The following CD302 variants were observed in gnomAD, a reference collection of about 807,000 sequenced individuals.
CD302 encodes CD302 antigen.
CD302 carries 23 observed loss-of-function variants against 26.5 expected under a neutral mutation model. That is an observed-to-expected ratio of 0.87 (90% CI 0.62 to 1.23). The LOEUF (loss-of-function observed/expected upper bound fraction) is 1.23, where lower values mean the gene tolerates loss of function less well. Ranked by LOEUF, CD302 falls within the 50% of genes most tolerant of loss-of-function variation. CD302 has a pLI of 0.00. For synonymous variants in CD302, 90 were observed against 99.4 expected, an observed-to-expected ratio of 0.91 and a Z score of 0.56; for missense variants, 290 against 275.5, an observed-to-expected ratio of 1.05 and a Z score of -0.37.
At chr2:159,785,314 T>C (rs772953061) in intron 1 of CD302, among the ~76,000 whole-genome samples, 1 of 152,140 alleles carries the variant, frequency 6.6e-6, no homozygotes, top group Admixed American at 6.5e-5. Context: ...TCCTTCCAGC[T>C]GTTTTATGAG....
chr2:159,772,726 CTT>C (rs1314429742), intron 5 of CD302, among the ~76,000 whole-genome samples: 3 of 152,222 alleles, frequency 2.0e-5, no homozygotes, highest in Admixed American at 1.3e-4. Context: ...AATGTGAAAA[CTT>C]TTCAGAATTA....
At chr2:159,781,119 C>G (rs1013765984) in intron 2 of CD302, 121 bp from the exon 3 acceptor site, 24 of 777,072 alleles carry the variant, frequency 3.1e-5, no homozygotes, top group Middle Eastern at 7.5e-4. Context: ...GGACAATAAA[C>G]TTTGATCTTA....
chr2:159,780,632 T>C (rs553858670), intron 3 of CD302, among the ~76,000 whole-genome samples: 1 of 152,338 alleles, frequency 6.6e-6, no homozygotes, highest in African/African-American at 2.4e-5. Context: ...ATGATCATGC[T>C]ATATTACAAA....
chr2:159,778,589 GT>G (rs1172845638), intron 4 of CD302, among the ~76,000 whole-genome samples: 1 of 152,186 alleles, frequency 6.6e-6, no homozygotes, highest in African/African-American at 2.4e-5. Flanking sequence ...AGGATGTGGA[GT>G]TTTGGTTTAC....
chr2:159,789,365 T>C (rs1245338589), intron 1 of CD302, among the ~76,000 whole-genome samples: 1 of 152,178 alleles, frequency 6.6e-6, no homozygotes, highest in Non-Finnish European at 1.5e-5. Flanking sequence ...GATTTTTCAG[T>C]TATAGAATTT....
chr2:159,779,069 A>C (rs1400162738), intron 4 of CD302, among the ~76,000 whole-genome samples: 1 of 151,616 alleles, frequency 6.6e-6, no homozygotes, highest in African/African-American at 2.4e-5. Context: ...ATCTCTACTA[A>C]AAAATACAAA....
chr2:159,784,828 T>C (rs1239313092), intron 1 of CD302, among the ~76,000 whole-genome samples: 1 of 152,184 alleles, frequency 6.6e-6, no homozygotes, highest in African/African-American at 2.4e-5. Flanking sequence ...CAGCTTCTTA[T>C]ATAGCACAGA....
At chr2:159,776,588 AGG>A (rs1708333406) in intron 5 of CD302, among the ~76,000 whole-genome samples, 2 of 152,108 alleles carry the variant, frequency 1.3e-5, no homozygotes. Flanking sequence ...TAGATTAATG[AGG>A]ATGTAATTCC....
intron 5 of CD302, 36 bp from the exon 6 acceptor site, chr2:159,772,089 T>C (rs1560039633): frequency 6.2e-7 from 1 of 1,602,524 alleles, no homozygotes; most frequent in Non-Finnish European, 8.5e-7. Context: ...TTTGGGAAAT[T>C]AGGGTACACA....
chr2:159,771,779 A>G lies in CD302; in HGVS notation c.*72T>C, dbSNP rs971165105. 2.6e-5 allele frequency: 39 copies of G among 1,522,234 alleles called. No homozygotes were observed. In the African/African-American group the frequency reaches 2.6e-4, roughly 10 times the overall value. The allele number at this position is 1,522,234 out of a possible 1,614,324, so 94.3% of individuals were successfully genotyped here. On this transcript the variant is annotated 3_prime_UTR_variant, in exon 6 of 6. Transcript: ENST00000259053. ...GCTCTAATATCCAATGTCAAGTTTT[A>G]TATTAAAATCTTTCCCAAGTTATCT...
intron 1 of CD302, among the ~76,000 whole-genome samples, chr2:159,796,383 G>A (rs1574507116): frequency 1.3e-5 from 2 of 152,112 alleles, no homozygotes; most frequent in South Asian, 2.1e-4. Context: ...GTATTCATAC[G>A]TTTTCTGGTT....
At chr2:159,777,380 T>A (rs555852739) in intron 5 of CD302, among the ~76,000 whole-genome samples, 1 of 152,334 alleles carries the variant, frequency 6.6e-6, no homozygotes, top group South Asian at 2.1e-4. Context: ...CATCATGGGA[T>A]GAACATGGAG....
intron 1 of CD302, among the ~76,000 whole-genome samples, chr2:159,789,193 G>T (rs898088378): frequency 6.6e-6 from 1 of 151,652 alleles, no homozygotes; most frequent in African/African-American, 2.4e-5. Flanking sequence ...TAGAGACAGG[G>T]GTGTCACTAT....
At chr2:159,777,758 T>C (rs1708380514) in intron 5 of CD302, among the ~76,000 whole-genome samples, 180 bp downstream of exon 5, 1 of 152,180 alleles carries the variant, frequency 6.6e-6, no homozygotes, top group Non-Finnish European at 1.5e-5. Context: ...AAACTACATA[T>C]TGTAGAATAT....
Position 159,768,679 on chromosome 2 carries a change from A to G in CD302, c.*3172T>C, listed in dbSNP as rs1708028220. On this transcript the variant is annotated 3_prime_UTR_variant, in exon 6 of 6. Transcript: ENST00000259053. ...TTCAAATCTCATTTTAAGCAATAAT[A>G]TAAATGTTCTAAAACATTTGCTCAC... 2 of 152,484 alleles carry G rather than the reference A, an allele frequency of 1.3e-5. No homozygotes were observed. Among genetic ancestry groups the G allele is most frequent in the African/African-American group, 4.8e-5 (2 of 41,320 alleles). The allele number at this position is 152,484 out of a possible 1,614,324, so 9.4% of individuals were successfully genotyped here.
At chr2:159,778,076 T>A (rs1356277695) in intron 4 of CD302, 112 bp from the exon 5 acceptor site, 1 of 160,862 alleles carries the variant, frequency 6.2e-6, no homozygotes, top group Non-Finnish European at 1.1e-5. Context: ...TAGCTTAATA[T>A]CAATATATTC....
At chr2:159,776,012 C>CTTTTT (rs71406197) in intron 5 of CD302, among the ~76,000 whole-genome samples, 13 of 81,266 alleles carry the variant, frequency 1.6e-4, no homozygotes, top group South Asian at 5.3e-4. Flanking sequence ...CGGGTTTCAA[C>CTTTTT]TTTTTTTTTT....
At chr2:159,774,878 G>C (rs1708263867) in intron 5 of CD302, among the ~76,000 whole-genome samples, 1 of 152,078 alleles carries the variant, frequency 6.6e-6, no homozygotes. Context: ...CTTAACTGTT[G>C]GGTTGTTTCC....
chr2:159,778,568 G>A (rs531860006), intron 4 of CD302, among the ~76,000 whole-genome samples: 56 of 152,270 alleles, frequency 3.7e-4, no homozygotes, highest in African/African-American at 1.3e-3. Flanking sequence ...TGTAAAGAAA[G>A]GAAATAAAGC....
Sources: allele counts gnomAD v4.1 joint callset (sites outside exome capture counted in the v4.1 genomes callset), GRCh38; gene constraint gnomAD v4.1.1; transcripts MANE v1.5; gene names NCBI Gene and HGNC (gene_info 2026-07-23, HGNC 2026-07-21).